The following TMEM71 variants were observed in gnomAD, a reference collection of about 807,000 sequenced individuals.
The protein encoded by TMEM71 is transmembrane protein 71.
In TMEM71, 44 loss-of-function variants were observed where a neutral mutation model predicts 38.0. That is an observed-to-expected ratio of 1.16 (90% confidence interval 0.91 to 1.49). The LOEUF (loss-of-function observed/expected upper bound fraction) is 1.49. Ranked by LOEUF, TMEM71 falls within the 40% of genes most tolerant of loss-of-function variation. The pLI is 0.00. For missense variants in TMEM71, 367 were observed against 348.6 expected (o/e 1.05, Z -0.42); for synonymous variants, 133 against 122.5 (o/e 1.09, Z -0.56).
intron 5 of TMEM71, 51 bp downstream of exon 5, chr8:132,746,891 C>T: frequency 6.7e-7 from 1 of 1,483,274 alleles, no homozygotes. Context: ...AGGGTTACCA[C>T]TGCCCACTTG....
At chr8:132,748,015 G>A (rs1301713965) in intron 4 of TMEM71, among the ~76,000 whole-genome samples, 2 of 152,192 alleles carry the variant, frequency 1.3e-5, no homozygotes, top group Admixed American at 1.3e-4. Flanking sequence ...AGTGCACAGG[G>A]GATTCACTGT....
chr8:132,712,341 T>C lies in TMEM71; in HGVS notation c.873-1359A>G, dbSNP rs200937123. Among the ~76,000 whole-genome samples the C allele has an allele frequency of 3.9e-5, 6 of 152,088 alleles. No individual in the cohort carries two copies. The East Asian group carries it at 1.2e-3, about 29-fold the overall frequency. Reference sequence around the variant, plus strand: ...AAGTGTTTGTTCAGGATAGAAATATTGTCCTGATGTAATTTCTTTTGGGAG... The same window carrying C: ...AAGTGTTTGTTCAGGATAGAAATATCGTCCTGATGTAATTTCTTTTGGGAG... On this transcript the variant is annotated intron_variant, in intron 9 of 9. Transcript: ENST00000677595.
In TMEM71 at chr8:132,730,507, T is replaced by C. The variant is rs548466129; in HGVS notation, c.488-2521A>G. Among the ~76,000 whole-genome samples the C allele has an allele frequency of 5.3e-5, 8 of 152,272 alleles. No homozygotes were observed. The South Asian group carries it at 1.0e-3, about 20-fold the overall frequency. On this transcript the variant is annotated intron_variant, in intron 5 of 9. Coordinates refer to ENST00000677595, the MANE Select transcript of TMEM71 (RefSeq NM_001382403.1). ...AATATGATGCTTCAGAAAAAGATAA[T>C]CCTGCAGTGGGAGATGATGGGAGTA...
Position 132,747,361 on chromosome 8 carries a change from C to T in TMEM71, c.315-247G>A, listed in dbSNP as rs367598788. ...TAGGAGAAAGAAAGAAATAATAATG[C>T]ACATATAGGTAATGCTTTCCTAGAG... On this transcript the variant is annotated intron_variant, in intron 4 of 9. Transcript: ENST00000677595. Among the ~76,000 whole-genome samples the T allele has an allele frequency of 8.3e-4, 126 of 152,292 alleles. 3 individuals are homozygous for T. Among genetic ancestry groups the T allele is most frequent in the African/African-American group, 3.0e-3 (124 of 41,558 alleles).
At chr8:132,755,618 A>G (rs952189306) in intron 3 of TMEM71, among the ~76,000 whole-genome samples, 1 of 152,322 alleles carries the variant, frequency 6.6e-6, no homozygotes, top group Admixed American at 6.5e-5. Context: ...AAAATGTTAG[A>G]TGATTACACA....
At chr8:132,744,647 T>A (rs1828233568) in intron 5 of TMEM71, among the ~76,000 whole-genome samples, 1 of 152,200 alleles carries the variant, frequency 6.6e-6, no homozygotes, top group African/African-American at 2.4e-5. Context: ...TATCAAACTA[T>A]CAATATTATT....
chr8:132,723,164 T>C (rs1323204683), intron 6 of TMEM71, among the ~76,000 whole-genome samples: 1 of 152,226 alleles, frequency 6.6e-6, no homozygotes, highest in African/African-American at 2.4e-5. Flanking sequence ...ATCACAGTAG[T>C]AAATTATGTC....
chr8:132,725,731 G>A (rs764447877), intron 6 of TMEM71, among the ~76,000 whole-genome samples: 15 of 152,156 alleles, frequency 9.9e-5, no homozygotes, highest in Non-Finnish European at 1.8e-4. Flanking sequence ...GAGTGCTAGG[G>A]AATCAAGGCG....
At chr8:132,763,911 CA>C (rs1829332645), upstream of TMEM71, among the ~76,000 whole-genome samples, 1 of 152,182 alleles carries the variant, frequency 6.6e-6, no homozygotes, top group South Asian at 2.1e-4. Context: ...ATGGACTTGA[CA>C]AATTTAATTT....
At chr8:132,770,675 A>G in the TMEM71 span, among the ~76,000 whole-genome samples, 1 of 152,240 alleles carries the variant, frequency 6.6e-6, no homozygotes, top group Non-Finnish European at 1.5e-5. Context: ...CTTATCTTCT[A>G]TTAACTCCCC....
intron 5 of TMEM71, among the ~76,000 whole-genome samples, chr8:132,733,158 G>A (rs1212432891): frequency 1.3e-5 from 2 of 152,148 alleles, no homozygotes; most frequent in Non-Finnish European, 2.9e-5. Flanking sequence ...ATTTCTGTGT[G>A]TGTGTTTTTT....
chr8:132,768,643 T>G, the TMEM71 span, among the ~76,000 whole-genome samples: 1 of 152,194 alleles, frequency 6.6e-6, no homozygotes. Flanking sequence ...CTGGCTCTGT[T>G]GAATGTTTTG....
chr8:132,712,212 G>T (rs564186098), intron 9 of TMEM71, among the ~76,000 whole-genome samples: 1 of 152,064 alleles, frequency 6.6e-6, no homozygotes, highest in Non-Finnish European at 1.5e-5. Context: ...CTGGTGGGCA[G>T]GAAACAGGAA....
At chr8:132,707,316 G>A (rs1473291234), downstream of TMEM71, among the ~76,000 whole-genome samples, 1 of 152,142 alleles carries the variant, frequency 6.6e-6, no homozygotes, top group South Asian at 2.1e-4. Context: ...GCAGCTGGAG[G>A]GCTCCTGATA....
intron 5 of TMEM71, among the ~76,000 whole-genome samples, chr8:132,746,718 A>G (rs1423700313): frequency 1.3e-5 from 2 of 152,050 alleles, no homozygotes; most frequent in Non-Finnish European, 2.9e-5. Flanking sequence ...TATCAACTTA[A>G]TAATTTACAC....
downstream of TMEM71, among the ~76,000 whole-genome samples, chr8:132,706,624 A>G (rs1258606605): frequency 6.6e-6 from 1 of 152,160 alleles, no homozygotes; most frequent in East Asian, 1.9e-4. Context: ...CTGATTATAC[A>G]TAGCATCCTG....
chr8:132,746,065 A>G (rs572714342), intron 5 of TMEM71, among the ~76,000 whole-genome samples: 25 of 149,020 alleles, frequency 1.7e-4, no homozygotes, highest in African/African-American at 6.2e-4. Context: ...ACTGTTGGGT[A>G]CTATGCTTAG....
At chr8:132,735,699 A>G (rs1827710523) in intron 5 of TMEM71, among the ~76,000 whole-genome samples, 1 of 152,244 alleles carries the variant, frequency 6.6e-6, no homozygotes, top group South Asian at 2.1e-4. Context: ...ACATATTTCA[A>G]AGAGACAACG....
chr8:132,744,323 C>T (rs1022455755), intron 5 of TMEM71, among the ~76,000 whole-genome samples: 4 of 152,160 alleles, frequency 2.6e-5, no homozygotes, highest in African/African-American at 9.7e-5. Flanking sequence ...TTAAAATATA[C>T]TTTGAGAATC....
Sources: gnomAD v4.1 joint callset for allele counts (sites outside exome capture counted in the v4.1 genomes callset) on GRCh38, gnomAD v4.1.1 for gene constraint, MANE v1.5 for transcripts, NCBI Gene and HGNC (gene_info 2026-07-23, HGNC 2026-07-21) for gene names.